BMERB1: variants seen among roughly 807,000 people sequenced by gnomAD.
The protein encoded by BMERB1 is bMERB domain-containing protein 1.
BMERB1 carries 12 observed loss-of-function variants against 23.6 expected under a neutral mutation model. The observed-to-expected ratio is 0.51, with a 90% CI of 0.33 to 0.82. The LOEUF is 0.82. Ranked by LOEUF, BMERB1 falls within the 40% of genes least tolerant of loss-of-function variation. BMERB1 has a pLI of 0.03. For synonymous variants in BMERB1, 122 were observed against 96.6 expected (o/e 1.26, Z -1.54); for missense variants, 247 against 255.4 (o/e 0.97, Z 0.22).
chr16:15,528,914 A>T (rs1455723322), intron 2 of BMERB1, among the ~76,000 whole-genome samples: 10 of 152,208 alleles, frequency 6.6e-5, no homozygotes, highest in Non-Finnish European at 1.5e-4. Context: ...GTGAGGACAC[A>T]GTGAGAACTC....
intron 1 of BMERB1, among the ~76,000 whole-genome samples, chr16:15,482,080 G>C (rs1281609271): frequency 6.6e-6 from 1 of 152,012 alleles, no homozygotes; most frequent in Non-Finnish European, 1.5e-5. Context: ...GACCATCTGT[G>C]AAAGACAGAG....
At chr16:15,458,327 T>C (rs2051104492) in intron 1 of BMERB1, among the ~76,000 whole-genome samples, 2 of 152,242 alleles carry the variant, frequency 1.3e-5, no homozygotes, top group Non-Finnish European at 2.9e-5. Context: ...TTTGAATTTA[T>C]AGTATCTACC....
At chr16:15,503,425 G>A (rs1183779345) in intron 1 of BMERB1, among the ~76,000 whole-genome samples, 5 of 150,716 alleles carry the variant, frequency 3.3e-5, no homozygotes, top group Non-Finnish European at 5.9e-5. Context: ...GGGACTACAG[G>A]CGCCTGCCAC....
chr16:15,531,813 A>C (rs1304891071), intron 2 of BMERB1, among the ~76,000 whole-genome samples: 1 of 152,180 alleles, frequency 6.6e-6, no homozygotes, highest in Non-Finnish European at 1.5e-5. Flanking sequence ...TGTCCCTATC[A>C]CGTGATGGTC....
intron 1 of BMERB1, among the ~76,000 whole-genome samples, chr16:15,479,526 G>A (rs2051301912): frequency 6.6e-6 from 1 of 152,030 alleles, no homozygotes; most frequent in South Asian, 2.1e-4. Context: ...AATCTGAAAA[G>A]GCTATTAAAC....
chr16:15,440,625 T>A (rs981570798), intron 1 of BMERB1, among the ~76,000 whole-genome samples: 12 of 152,176 alleles, frequency 7.9e-5, no homozygotes, highest in Non-Finnish European at 1.0e-4. Flanking sequence ...TATAAAAAAT[T>A]TGAATTCATC....
At chr16:15,502,541 A>G (rs924888217) in intron 1 of BMERB1, among the ~76,000 whole-genome samples, 1 of 152,190 alleles carries the variant, frequency 6.6e-6, no homozygotes, top group African/African-American at 2.4e-5. Context: ...CGTTATAGCA[A>G]GAAGGCGAGG....
rs139615201 is a variant in BMERB1 at position 15,485,679 on chromosome 16, G to A, written c.107-29626G>A. On this transcript the variant is annotated intron_variant, in intron 1 of 5. Transcript: ENST00000300006. ...CCATCTGTGTTACTGGAGGAAACTG[G>A]GGAAAGACATTTGTGGGTTTTTTCC... 1.5e-3 allele frequency among the ~76,000 whole-genome samples: 225 copies of A among 151,916 alleles called. 3 individuals carry two copies. The East Asian group carries it at 0.035, about 24-fold the overall frequency.
intron 3 of BMERB1, among the ~76,000 whole-genome samples, chr16:15,580,762 G>A (rs976205429): frequency 1.3e-5 from 2 of 151,506 alleles, no homozygotes; most frequent in Non-Finnish European, 2.9e-5. Flanking sequence ...AGCCAGGATG[G>A]TCTCGATCTC....
At chr16:15,483,987 G>A (rs181360763) in intron 1 of BMERB1, among the ~76,000 whole-genome samples, 7 of 152,242 alleles carry the variant, frequency 4.6e-5, no homozygotes, top group African/African-American at 1.2e-4. Flanking sequence ...TCTGGTGAGG[G>A]GCCCAAGAAT....
At chr16:15,498,735 C>G (rs2051499014) in intron 1 of BMERB1, among the ~76,000 whole-genome samples, 1 of 152,158 alleles carries the variant, frequency 6.6e-6, no homozygotes, top group South Asian at 2.1e-4. Context: ...GAGAAAGACT[C>G]TGAGTCTAAA....
At chr16:15,528,117 T>G (rs1318033442) in intron 2 of BMERB1, among the ~76,000 whole-genome samples, 1 of 152,176 alleles carries the variant, frequency 6.6e-6, no homozygotes, top group Non-Finnish European at 1.5e-5. Context: ...ACAAAATTCC[T>G]TAGACTGGGT....
chr16:15,434,588 C>T lies in BMERB1; in HGVS notation c.-66C>T. 5 of 1,483,230 alleles carry T rather than the reference C, an allele frequency of 3.4e-6. No individual in the cohort carries two copies. The South Asian group carries it at 3.4e-5, about 10-fold the overall frequency. The allele number at this position is 1,483,230 out of a possible 1,614,324, so 91.9% of individuals were successfully genotyped here. On this transcript the variant is annotated 5_prime_UTR_variant, in exon 1 of 6. Coordinates refer to ENST00000300006, the MANE Select transcript of BMERB1 (RefSeq NM_033201.3). ...AACGCTGCTGGCTGGAGCCACCTCC[C>T]TCCCTGCAGCCCGCAACGGGAATGG...
At chr16:15,578,256 G>T (rs1299798228) in intron 3 of BMERB1, among the ~76,000 whole-genome samples, 9 of 148,742 alleles carry the variant, frequency 6.1e-5, no homozygotes, top group African/African-American at 2.2e-4. Flanking sequence ...AAAAGACAGG[G>T]TCTGGCTGTG....
At chr16:15,438,399 C>G (rs533401035) in intron 1 of BMERB1, among the ~76,000 whole-genome samples, 6 of 151,334 alleles carry the variant, frequency 4.0e-5, no homozygotes, top group African/African-American at 9.7e-5. Flanking sequence ...AGCTGAAATT[C>G]TTAAAACGTG....
chr16:15,515,306 T>G lies in BMERB1; in HGVS notation c.108T>G (p.Asn36Lys). Residue 36 changes from asparagine (N) to lysine (K), a missense_variant and splice_region_variant, in exon 2 of 6, where the codon AAT becomes AAG. Physicochemically the swap from Asn to Lys is moderately conservative, Grantham distance 94. Coordinates refer to ENST00000300006, the MANE Select transcript of BMERB1 (RefSeq NM_033201.3). The stretch of plus-strand genomic sequence containing the variant: ...TTGTATTTCCTGTCTCCTGCACAGA[T>G]CAGCTGGACATCATCTCCATGGCGG... ...TAWKTERLGR[N>K]QLDIISMAET... 1 of 1,613,374 alleles carries G rather than the reference T, an allele frequency of 6.2e-7. No homozygotes were observed. The highest frequency in any genetic ancestry group is 8.5e-7 in the Non-Finnish European group (1 of 1,179,944).
chr16:15,505,277 C>G (rs1253989403), intron 1 of BMERB1, among the ~76,000 whole-genome samples: 1 of 152,194 alleles, frequency 6.6e-6, no homozygotes, highest in East Asian at 1.9e-4. Context: ...TACCATCAAA[C>G]AGCAATGAAT....
chr16:15,502,405 A>G (rs1232212484), intron 1 of BMERB1: 5 of 1,518,344 alleles, frequency 3.3e-6, no homozygotes, highest in Admixed American at 2.0e-5. Flanking sequence ...GCCCAGTGGC[A>G]TCCTCTCCAC....
chr16:15,543,125 G>A (rs186314744), intron 2 of BMERB1, among the ~76,000 whole-genome samples: 3 of 152,210 alleles, frequency 2.0e-5, no homozygotes, highest in African/African-American at 4.8e-5. Flanking sequence ...TGGAAGGGGA[G>A]CTGGAAAGGG....
Sources: allele counts gnomAD v4.1 joint callset (sites outside exome capture counted in the v4.1 genomes callset), GRCh38; gene constraint gnomAD v4.1.1; transcripts MANE v1.5; gene names NCBI Gene and HGNC (gene_info 2026-07-23, HGNC 2026-07-21).